Variants in SH3PXD2B observed in about 807,000 individuals in gnomAD.
The protein encoded by SH3PXD2B is SH3 and PX domain-containing protein 2B.
A neutral mutation model predicts 73.1 loss-of-function variants in SH3PXD2B; 37 were observed. The ratio of observed to expected loss-of-function variants is 0.51; its 90% CI spans 0.39 to 0.67. The LOEUF (loss-of-function observed/expected upper bound fraction) is 0.67. SH3PXD2B is among the 30% of genes least tolerant of loss of function. The pLI is 0.00. For synonymous variants in SH3PXD2B, 457 were observed against 480.5 expected, an observed-to-expected ratio of 0.95 and a Z score of 0.64; for missense variants, 1,053 against 1,197.8, an observed-to-expected ratio of 0.88 and a Z score of 1.78.
Position 172,368,498 on chromosome 5 carries a change from A to ATATATATAAAATATATATAT in SH3PXD2B, c.427+5291_427+5292insATATATATATTTTATATATA, listed in dbSNP as rs1757587658. On this transcript the variant is annotated intron_variant, in intron 6 of 12. Coordinates refer to ENST00000311601, the MANE Select transcript of SH3PXD2B (RefSeq NM_001017995.3). The stretch of plus-strand genomic sequence containing the variant: ...TATATATATAAAATATATATATATT[A>ATATATATAAAATATATATAT]TATATATATATATAAAATATATATA... Among the ~76,000 whole-genome samples the ATATATATAAAATATATATAT allele has an allele frequency of 6.9e-4, 4 of 5,834 alleles. 2 individuals carry two copies. The highest frequency in any genetic ancestry group is 1.2e-3 in the Non-Finnish European group (4 of 3,288). 3.8% of individuals were successfully genotyped at this position (5,834 alleles called of 152,430 possible).
chr5:172,333,718 T>C lies in SH3PXD2B; in HGVS notation c.*4651A>G. 7.8e-7 allele frequency: 1 copy of C among 1,289,446 alleles called. No individual in the cohort carries two copies. Among genetic ancestry groups the C allele is most frequent in the Non-Finnish European group, 1.0e-6 (1 of 988,858 alleles). The allele number at this position is 1,289,446 out of a possible 1,614,324, so 79.9% of individuals were successfully genotyped here. A position where few individuals can be genotyped will look rare whatever the true frequency, so the allele number is the denominator to read the frequency against. On this transcript the variant is annotated 3_prime_UTR_variant, in exon 13 of 13. Transcript: ENST00000311601. ...AGAGGGTAGAGTAAGTGTGGGGATC[T>C]CCAGCGTCATCCTATGAGCAGACAC...
intron 12 of SH3PXD2B, 91 bp downstream of exon 12, chr5:172,346,045 C>T: frequency 3.2e-6 from 5 of 1,583,586 alleles, no homozygotes; most frequent in Non-Finnish European, 4.3e-6. Context: ...CTCCACCCAC[C>T]CAGTGAAGTA....
intron 2 of SH3PXD2B, among the ~76,000 whole-genome samples, chr5:172,407,655 C>G (rs1465671162): frequency 6.6e-6 from 1 of 152,186 alleles, no homozygotes; most frequent in Admixed American, 6.5e-5. Flanking sequence ...CACTCTGGCA[C>G]TTGAGATCTG....
chr5:172,352,346 T>C (rs1351951349), intron 9 of SH3PXD2B, among the ~76,000 whole-genome samples: 1 of 152,092 alleles, frequency 6.6e-6, no homozygotes, highest in Non-Finnish European at 1.5e-5. Flanking sequence ...TGCCTCAGCC[T>C]CCTGGGTAGC....
intron 10 of SH3PXD2B, among the ~76,000 whole-genome samples, chr5:172,347,920 A>G (rs1757031980): frequency 6.6e-6 from 1 of 152,044 alleles, no homozygotes; most frequent in Non-Finnish European, 1.5e-5. Context: ...AGGGGTTTAT[A>G]CTCTCGAGGC....
Position 172,445,599 on chromosome 5 carries a change from A to G in SH3PXD2B, c.75+8679T>C, listed in dbSNP as rs1179760607. On this transcript the variant is annotated intron_variant, in intron 1 of 12. Coordinates refer to ENST00000311601, the MANE Select transcript of SH3PXD2B (RefSeq NM_001017995.3). The surrounding 1 kb of genome is among the most constrained non-coding windows in gnomAD (Gnocchi z 5.2). ...CCAGATAAAGAATAGGATGACCAGTAAAATCTGAATTTCGGATAAACAACA... is the reference window on the plus strand; with the variant it reads ...CCAGATAAAGAATAGGATGACCAGTGAAATCTGAATTTCGGATAAACAACA... Among the ~76,000 whole-genome samples the G allele has an allele frequency of 6.6e-6, 1 of 152,242 alleles. No homozygotes were observed. Among genetic ancestry groups the G allele is most frequent in the African/African-American group, 2.4e-5 (1 of 41,462 alleles).
chr5:172,366,304 G>C (rs1370191446), intron 6 of SH3PXD2B, among the ~76,000 whole-genome samples: 3 of 152,190 alleles, frequency 2.0e-5, no homozygotes, highest in Non-Finnish European at 4.4e-5. Context: ...AGGGGAGGCA[G>C]ATCCTGTAAC....
chr5:172,454,476 G>C lies in SH3PXD2B; in HGVS notation c.-124C>G. 1.4e-5 allele frequency: 5 copies of C among 367,266 alleles called. No individual in the cohort carries two copies. The highest frequency in any genetic ancestry group is 1.9e-5 in the Non-Finnish European group (5 of 256,840). 22.8% of individuals were successfully genotyped at this position (367,266 alleles called of 1,614,324 possible). On this transcript the variant is annotated 5_prime_UTR_variant, in exon 1 of 13. Coordinates refer to ENST00000311601, the MANE Select transcript of SH3PXD2B (RefSeq NM_001017995.3). ...TGAGCGCAATCGCAGCCGGGGCCGA[G>C]CACGAGCCGCCGCCGCCACCGCCGC...
intron 3 of SH3PXD2B, among the ~76,000 whole-genome samples, chr5:172,398,323 AC>A (rs1758352202): frequency 1.3e-5 from 2 of 152,162 alleles, no homozygotes; most frequent in Admixed American, 1.3e-4. Flanking sequence ...ATTTGCTTTT[AC>A]TGTACCATCT....
At chr5:172,349,384 G>A (rs543204105) in intron 10 of SH3PXD2B, among the ~76,000 whole-genome samples, 4 of 152,342 alleles carry the variant, frequency 2.6e-5, no homozygotes, top group Non-Finnish European at 4.4e-5. Context: ...GGGCACCAGC[G>A]TGCCCATGCA....
intron 3 of SH3PXD2B, among the ~76,000 whole-genome samples, chr5:172,400,386 A>G (rs778771610): frequency 7.2e-5 from 11 of 152,212 alleles, no homozygotes; most frequent in Admixed American, 2.0e-4. Context: ...CCTGGAGGCT[A>G]CTTATTTTAT....
At position 172,421,562 on chromosome 5, in the gene SH3PXD2B, A is replaced by G. The variant is rs901072994; in HGVS notation, c.156+854T>C. ...AGACAGCTTCAATACAGAGAGACAC[A>G]CAGAGCTGTAGGGGCACAGAATGGG... On this transcript the variant is annotated intron_variant, in intron 2 of 12. Coordinates refer to ENST00000311601, the MANE Select transcript of SH3PXD2B (RefSeq NM_001017995.3). The surrounding 1 kb of genome is among the most constrained non-coding windows in gnomAD (Gnocchi z 4.0). Among the ~76,000 whole-genome samples the G allele has an allele frequency of 2.6e-5, 4 of 152,160 alleles. No individual in the cohort carries two copies. Among genetic ancestry groups the G allele is most frequent in the African/African-American group, 7.2e-5 (3 of 41,436 alleles).
At chr5:172,325,209 A>C (rs1756425470) in exon 13 of SH3PXD2B, 1 of 984,816 alleles carries the variant, frequency 1.0e-6, no homozygotes, top group Non-Finnish European at 1.4e-6. Context: ...TTACCACGAC[A>C]AAAAAAAATA....
Position 172,336,751 on chromosome 5 carries a change from G to A in SH3PXD2B, c.*1618C>T. ...TGCCTCGGTCGGGTAGAATGGGAAG[G>A]GGTTCTGCTCTGCTCTCTTACTCTG... is the stretch of plus-strand genomic sequence containing the variant. On this transcript the variant is annotated 3_prime_UTR_variant, in exon 13 of 13. Transcript: ENST00000311601. 5.1e-6 allele frequency: 5 copies of A among 985,744 alleles called. No individual in the cohort carries two copies. The highest frequency in any genetic ancestry group is 6.0e-6 in the Non-Finnish European group (5 of 830,242). The allele number at this position is 985,744 out of a possible 1,614,324, so 61.1% of individuals were successfully genotyped here.
chr5:172,358,817 C>T lies in SH3PXD2B; in HGVS notation c.623G>A (p.Gly208Asp). 3.1e-6 allele frequency: 5 copies of T among 1,614,014 alleles called. No individual in the cohort carries two copies. The highest frequency in any genetic ancestry group is 3.4e-6 in the Non-Finnish European group (4 of 1,179,960). ...AAACTCATCCTGCACCCCATCCTGGCCTTCGAGGCACGTTGCAGGGACCCA... is the reference window on the plus strand; with the variant it reads ...AAACTCATCCTGCACCCCATCCTGGTCTTCGAGGCACGTTGCAGGGACCCA... ...QGWVPATCLEGQDGVQDEFSL... is the reference protein window; with the variant it reads ...QGWVPATCLEDQDGVQDEFSL... The change falls in exon 8 of 13, where the codon GGC (glycine) becomes GAC (aspartate). Residue 208 changes from glycine to aspartate, a missense_variant. This residue lies in a region of SH3PXD2B where 466 missense variants were observed against 607.1 expected (regional missense o/e 0.77). Transcript: ENST00000311601.
At chr5:172,352,285 C>T (rs573200901) in intron 9 of SH3PXD2B, among the ~76,000 whole-genome samples, 1 of 152,268 alleles carries the variant, frequency 6.6e-6, no homozygotes, top group South Asian at 2.1e-4. Flanking sequence ...GCTGGAGTGG[C>T]ACCATCATAG....
intron 12 of SH3PXD2B, among the ~76,000 whole-genome samples, chr5:172,327,850 G>T (rs1038462416): frequency 6.6e-6 from 1 of 151,108 alleles, no homozygotes; most frequent in African/African-American, 2.4e-5. Context: ...TGCCTCCCAG[G>T]TTCAAGCAAT....
chr5:172,428,914 C>A (rs1247628054), intron 1 of SH3PXD2B, among the ~76,000 whole-genome samples: 1 of 152,184 alleles, frequency 6.6e-6, no homozygotes, highest in Non-Finnish European at 1.5e-5. Flanking sequence ...CCAGAAAGCC[C>A]TCTGTGACCG....
chr5:172,443,841 G>A (rs1294896855), intron 1 of SH3PXD2B, among the ~76,000 whole-genome samples: 1 of 152,252 alleles, frequency 6.6e-6, no homozygotes, highest in African/African-American at 2.4e-5. Flanking sequence ...TTATGTGCTT[G>A]AAGGCAACTT....
Sources: gnomAD v4.1 joint callset for allele counts (sites outside exome capture counted in the v4.1 genomes callset) on GRCh38, gnomAD v4.1.1 for gene constraint, gnomAD v4.1.1 regional missense constraint, Gnocchi (gnomAD v3.1) non-coding constraint, MANE v1.5 for transcripts, NCBI Gene and HGNC (gene_info 2026-07-23, HGNC 2026-07-21) for gene names.